The following STXBP5L variants were observed in gnomAD, a reference collection of about 807,000 sequenced individuals.
STXBP5L encodes syntaxin-binding protein 5-like.
STXBP5L carries 65 observed loss-of-function variants against 144.5 expected under a neutral mutation model. The ratio of observed to expected loss-of-function variants is 0.45; its 90% CI spans 0.37 to 0.55. The LOEUF (loss-of-function observed/expected upper bound fraction) is 0.55. Among genes scored for constraint, STXBP5L ranks in the 20% least tolerant of loss-of-function variants. The probability of loss-of-function intolerance (pLI) is 0.00; values close to 1 mark genes in which losing one functional copy is unlikely to be tolerated. For missense variants in STXBP5L, 1,298 were observed against 1,405.5 expected (o/e 0.92, Z 1.22); for synonymous variants, 505 against 469.6 (o/e 1.08, Z -0.97).
In STXBP5L at chr3:120,976,222, G is replaced by T. The variant is rs569885328; in HGVS notation, c.287+21185G>T. Among the ~76,000 whole-genome samples the T allele has an allele frequency of 3.0e-3, 462 of 152,214 alleles. 3 individuals carry two copies. The highest frequency in any genetic ancestry group is 0.01 in the African/African-American group (431 of 41,552). On this transcript the variant is annotated intron_variant, in intron 3 of 26. Transcript: ENST00000471454. The stretch of plus-strand genomic sequence containing the variant: ...TATTGATTATTGCCACAGTTTCAGA[G>T]CCTGTTATTAGTCTATTCAGAGATT...
chr3:121,406,653 T>G (rs1170011937), intron 22 of STXBP5L, among the ~76,000 whole-genome samples: 1 of 152,058 alleles, frequency 6.6e-6, no homozygotes, highest in Non-Finnish European at 1.5e-5. Flanking sequence ...GAGCTGAAGG[T>G]AATTGTTTTG....
chr3:121,201,083 T>C (rs888383236), intron 9 of STXBP5L, among the ~76,000 whole-genome samples: 2 of 152,174 alleles, frequency 1.3e-5, no homozygotes, highest in Non-Finnish European at 2.9e-5. Flanking sequence ...GATAGTGGGG[T>C]GTTAAATTCT....
intron 20 of STXBP5L, among the ~76,000 whole-genome samples, chr3:121,353,876 C>T (rs1361655823): frequency 1.3e-5 from 2 of 152,070 alleles, no homozygotes; most frequent in African/African-American, 4.8e-5. Flanking sequence ...GATTCTGGTA[C>T]ATTGTTCTTT....
intron 9 of STXBP5L, among the ~76,000 whole-genome samples, chr3:121,162,465 C>A (rs1186811299): frequency 6.6e-6 from 1 of 152,056 alleles, no homozygotes; most frequent in Non-Finnish European, 1.5e-5. Context: ...ACCATAAAAA[C>A]CCTAGAAGAA....
chr3:121,034,938 T>G (rs150665045), intron 3 of STXBP5L, among the ~76,000 whole-genome samples: 1 of 152,184 alleles, frequency 6.6e-6, no homozygotes, highest in Admixed American at 6.6e-5. Flanking sequence ...TATCTCATTG[T>G]GGTTTTAATT....
At chr3:121,092,378 C>T (rs986338707) in intron 5 of STXBP5L, among the ~76,000 whole-genome samples, 17 of 152,180 alleles carry the variant, frequency 1.1e-4, no homozygotes, top group African/African-American at 2.2e-4. Context: ...GCCATTTTCA[C>T]GATATTGATT....
intron 3 of STXBP5L, among the ~76,000 whole-genome samples, chr3:121,002,160 G>T (rs1943833257): frequency 6.6e-6 from 1 of 152,052 alleles, no homozygotes. Context: ...ACCAATTTAT[G>T]TTTTTCACTA....
chr3:121,214,301 G>A (rs570214076), intron 10 of STXBP5L, among the ~76,000 whole-genome samples: 12 of 152,132 alleles, frequency 7.9e-5, no homozygotes, highest in African/African-American at 2.7e-4. Flanking sequence ...TGTGATGTTA[G>A]GGTGTCAATT....
At chr3:121,301,905 T>C (rs757717243) in intron 19 of STXBP5L, among the ~76,000 whole-genome samples, 17 of 152,208 alleles carry the variant, frequency 1.1e-4, no homozygotes, top group Admixed American at 2.0e-4. Context: ...CCCACTTGAC[T>C]ATGGTGGATA....
At chr3:121,001,114 G>A (rs1189089752) in intron 3 of STXBP5L, among the ~76,000 whole-genome samples, 1 of 152,236 alleles carries the variant, frequency 6.6e-6, no homozygotes, top group African/African-American at 2.4e-5. Flanking sequence ...ACATGCATGT[G>A]CTGGGAGTGG....
intron 2 of STXBP5L, chr3:120,925,096 T>C (rs1365944359): frequency 6.6e-6 from 1 of 152,214 alleles, no homozygotes; most frequent in Non-Finnish European, 1.5e-5. Flanking sequence ...GGTATATGCA[T>C]GGATCTAGAA....
intron 19 of STXBP5L, among the ~76,000 whole-genome samples, chr3:121,283,741 T>C (rs1381300871): frequency 6.6e-6 from 1 of 152,072 alleles, no homozygotes; most frequent in Non-Finnish European, 1.5e-5. Flanking sequence ...TCCTGCTCTG[T>C]GCCATTTTTT....
intron 9 of STXBP5L, among the ~76,000 whole-genome samples, chr3:121,186,551 T>G (rs1237802279): frequency 6.6e-6 from 1 of 152,214 alleles, no homozygotes; most frequent in Non-Finnish European, 1.5e-5. Flanking sequence ...ATTGAGATAA[T>G]CCTGTGGTTT....
chr3:120,931,286 G>A (rs1296570617), intron 2 of STXBP5L, among the ~76,000 whole-genome samples: 1 of 152,114 alleles, frequency 6.6e-6, no homozygotes. Context: ...AGTGGCATGA[G>A]GCTACATAAT....
At chr3:121,140,523 T>C (rs536811626) in intron 7 of STXBP5L, among the ~76,000 whole-genome samples, 84 of 152,246 alleles carry the variant, frequency 5.5e-4, no homozygotes, top group Middle Eastern at 3.4e-3. Context: ...AAAGAAAATA[T>C]GGTATATATT....
chr3:120,962,928 G>T (rs1049513159), intron 3 of STXBP5L, among the ~76,000 whole-genome samples: 1 of 152,140 alleles, frequency 6.6e-6, no homozygotes, highest in Non-Finnish European at 1.5e-5. Flanking sequence ...TCTTCCATTT[G>T]TTTGTGTCCT....
At chr3:121,137,210 C>T (rs577255242) in intron 7 of STXBP5L, among the ~76,000 whole-genome samples, 9 of 152,046 alleles carry the variant, frequency 5.9e-5, no homozygotes, top group South Asian at 2.1e-4. Flanking sequence ...AACCTGCACA[C>T]GTACCCCTTA....
chr3:121,329,083 G>C (rs1348923260), intron 20 of STXBP5L, among the ~76,000 whole-genome samples: 1 of 151,898 alleles, frequency 6.6e-6, no homozygotes, highest in African/African-American at 2.4e-5. Context: ...ATTTGTATCT[G>C]TATGCACATC....
intron 22 of STXBP5L, among the ~76,000 whole-genome samples, chr3:121,383,633 A>G (rs544568033): frequency 7.9e-5 from 12 of 152,268 alleles, no homozygotes; most frequent in African/African-American, 2.9e-4. Context: ...TAACCATTAC[A>G]AGAAAGAAAG....
Sources: allele counts gnomAD v4.1 joint callset (sites outside exome capture counted in the v4.1 genomes callset), GRCh38; gene constraint gnomAD v4.1.1; transcripts MANE v1.5; gene names NCBI Gene and HGNC (gene_info 2026-07-23, HGNC 2026-07-21).